Variants in LRRC7 observed in about 807,000 individuals in gnomAD.
LRRC7 encodes leucine-rich repeat-containing protein 7.
In LRRC7, 23 loss-of-function variants were observed where a neutral mutation model predicts 175.7. That is an observed-to-expected ratio of 0.13 (90% CI 0.09 to 0.19). The LOEUF (loss-of-function observed/expected upper bound fraction) is 0.19. Among genes scored for constraint, LRRC7 ranks in the 10% least tolerant of loss-of-function variants. The pLI is 1.00. For synonymous variants in LRRC7, 685 were observed against 680.9 expected, an observed-to-expected ratio of 1.01 and a Z score of -0.09; for missense variants, 1,354 against 1,904.7, an observed-to-expected ratio of 0.71 and a Z score of 5.38.
chr1:69,898,662 A>ACTGCTG lies in LRRC7; in HGVS notation c.648-32821_648-32816dup, dbSNP rs35234345. 5.5e-3 allele frequency among the ~76,000 whole-genome samples: 827 copies of ACTGCTG among 150,872 alleles called. 4 individuals carry two copies. The highest frequency in any genetic ancestry group is 0.024 in the Middle Eastern group (7 of 292). On this transcript the variant is annotated intron_variant, in intron 7 of 26. Transcript: ENST00000651989. The stretch of plus-strand genomic sequence containing the variant: ...GCTTGCAGTTTCTGTTGCTATCATC[A>ACTGCTG]CTGCTGCTGCTGCTGCTGCTGCTGC...
In LRRC7 at chr1:70,076,172, C is replaced by T; in HGVS notation, c.4326C>T (p.Thr1442=). 1 of 1,614,092 alleles carries T rather than the reference C, an allele frequency of 6.2e-7. No homozygotes were observed. Among genetic ancestry groups the T allele is most frequent in the Non-Finnish European group, 8.5e-7 (1 of 1,180,002 alleles). Residue 1442 remains threonine (T), a synonymous_variant, in exon 24 of 27, where the codon ACC becomes ACT. Coordinates refer to ENST00000651989, the MANE Select transcript of LRRC7 (RefSeq NM_001370785.2). ...ATGAAGGAAATATAAACAAAGTGAC[C>T]ATCCAGCAATTTCAGTCACCATTGC... ...QPYEGNINKV[T]IQQFQSPLPI...
intron 7 of LRRC7, among the ~76,000 whole-genome samples, chr1:69,922,732 T>C (rs781339603): frequency 7.2e-5 from 11 of 152,154 alleles, no homozygotes; most frequent in Non-Finnish European, 1.5e-4. Context: ...AGTTCTCAGA[T>C]CTGTCAGCGG....
chr1:69,892,037 C>T (rs1327079879), intron 7 of LRRC7, among the ~76,000 whole-genome samples: 3 of 152,098 alleles, frequency 2.0e-5, no homozygotes, highest in South Asian at 2.1e-4. Flanking sequence ...AATAATTTCA[C>T]AATGTATACA....
chr1:69,646,011 A>G (rs1654955921), intron 1 of LRRC7, among the ~76,000 whole-genome samples: 1 of 152,102 alleles, frequency 6.6e-6, no homozygotes, highest in Non-Finnish European at 1.5e-5. Flanking sequence ...TAGATGACTT[A>G]TCACTGATAT....
intron 4 of LRRC7, among the ~76,000 whole-genome samples, chr1:69,805,685 A>G (rs570715729): frequency 1.3e-5 from 2 of 151,988 alleles, no homozygotes; most frequent in African/African-American, 2.4e-5. Flanking sequence ...TTCTGTTTCC[A>G]TTAAAGAACA....
At chr1:70,120,903 G>A (rs1192766956) in intron 26 of LRRC7, among the ~76,000 whole-genome samples, 1 of 152,004 alleles carries the variant, frequency 6.6e-6, no homozygotes, top group Non-Finnish European at 1.5e-5. Flanking sequence ...GGCAGTGAAG[G>A]CTTATGGGAT....
chr1:69,596,275 T>G lies in LRRC7; in HGVS notation c.2+27634T>G, dbSNP rs114656777. The stretch of plus-strand genomic sequence containing the variant: ...TAAAAATCCGGAGAGGTTAGATAAC[T>G]TGATCAAGGTCACACAGCATACTAA... On this transcript the variant is annotated intron_variant, in intron 1 of 26. Transcript: ENST00000651989. Among the ~76,000 whole-genome samples the G allele has an allele frequency of 6.2e-3, 938 of 152,294 alleles. 14 individuals are homozygous for G. Among genetic ancestry groups the G allele is most frequent in the African/African-American group, 0.022 (894 of 41,558 alleles).
intron 24 of LRRC7, among the ~76,000 whole-genome samples, chr1:70,089,397 G>A (rs1663855975): frequency 6.6e-6 from 1 of 152,114 alleles, no homozygotes. Flanking sequence ...ATGGTTGATA[G>A]CTAAGATAAT....
chr1:69,683,673 A>G (rs7522191), intron 2 of LRRC7, among the ~76,000 whole-genome samples: 52,588 of 152,048 alleles, frequency 0.35, 9,541 homozygotes, highest in African/African-American at 0.44. Context: ...AAAAATTAAA[A>G]AGATTAAATT....
chr1:69,883,967 G>T (rs2101621000), intron 7 of LRRC7, among the ~76,000 whole-genome samples: 1 of 69,172 alleles, frequency 1.4e-5, no homozygotes, highest in East Asian at 5.9e-4. Context: ...CTGTTCCATT[G>T]ATCTATATCT....
rs944323490 is a variant in LRRC7, at chr1:70,132,179, C to G, written c.*10292C>G. On this transcript the variant is annotated 3_prime_UTR_variant, in exon 27 of 27. Coordinates refer to ENST00000651989, the MANE Select transcript of LRRC7 (RefSeq NM_001370785.2). The stretch of plus-strand genomic sequence containing the variant: ...TCAGACAGCCCTGAATTCCCTTCCT[C>G]TCTCTCTGCTCTCTCTTGGCCAGAG... The G allele has an allele frequency of 6.6e-6, 1 of 152,254 alleles. No homozygotes were observed. Among genetic ancestry groups the G allele is most frequent in the Non-Finnish European group, 1.5e-5 (1 of 68,076 alleles). 9.4% of individuals were successfully genotyped at this position (152,254 alleles called of 1,614,324 possible).
chr1:69,930,852 A>G (rs373641197), intron 7 of LRRC7, among the ~76,000 whole-genome samples: 237 of 150,976 alleles, frequency 1.6e-3, no homozygotes, highest in African/African-American at 5.3e-3. Flanking sequence ...ATCTCATGAG[A>G]ATTCTCACTT....
At chr1:69,674,338 G>A (rs1323240023) in intron 1 of LRRC7, among the ~76,000 whole-genome samples, 1 of 152,112 alleles carries the variant, frequency 6.6e-6, no homozygotes, top group Non-Finnish European at 1.5e-5. Flanking sequence ...TTCTACTTCT[G>A]ATGAGGCCAT....
intron 8 of LRRC7, among the ~76,000 whole-genome samples, chr1:69,940,455 A>C (rs531776585): frequency 6.6e-6 from 1 of 152,138 alleles, no homozygotes; most frequent in African/African-American, 2.4e-5. Flanking sequence ...TGAGAACGGC[A>C]TGTATCTCCA....
intron 2 of LRRC7, among the ~76,000 whole-genome samples, chr1:69,727,412 A>G (rs376997033): frequency 1.4e-4 from 22 of 152,160 alleles, no homozygotes; most frequent in African/African-American, 5.3e-4. Flanking sequence ...CTTTTTGCCA[A>G]TCTGACTCCT....
At chr1:69,852,792 A>G (rs932519180) in intron 7 of LRRC7, among the ~76,000 whole-genome samples, 1 of 152,164 alleles carries the variant, frequency 6.6e-6, no homozygotes, top group Non-Finnish European at 1.5e-5. Flanking sequence ...GTTACAGTAC[A>G]TTTTAGATGG....
At chr1:69,590,798 A>C (rs1470211805) in intron 1 of LRRC7, among the ~76,000 whole-genome samples, 1 of 152,132 alleles carries the variant, frequency 6.6e-6, no homozygotes, top group South Asian at 2.1e-4. Context: ...CTTGATATCA[A>C]ATATGAGCTT....
chr1:69,882,217 T>C (rs540151825), intron 7 of LRRC7, among the ~76,000 whole-genome samples: 8 of 152,068 alleles, frequency 5.3e-5, no homozygotes, highest in African/African-American at 1.7e-4. Context: ...TCAAGAAGAC[T>C]AGAGATAACT....
intron 1 of LRRC7, among the ~76,000 whole-genome samples, chr1:69,628,754 G>T (rs1407947755): frequency 6.6e-6 from 1 of 152,118 alleles, no homozygotes; most frequent in Non-Finnish European, 1.5e-5. Context: ...GACAATGTTG[G>T]TATTGGCAAA....
Sources: gnomAD v4.1 joint callset for allele counts (sites outside exome capture counted in the v4.1 genomes callset) on GRCh38, gnomAD v4.1.1 for gene constraint, MANE v1.5 for transcripts, NCBI Gene and HGNC (gene_info 2026-07-23, HGNC 2026-07-21) for gene names.